CRADD: variants seen among roughly 807,000 people sequenced by gnomAD.
CRADD encodes death domain-containing protein CRADD.
CRADD carries 9 observed loss-of-function variants against 15.5 expected under a neutral mutation model. That is an observed-to-expected ratio of 0.58 (90% CI 0.35 to 1.01). The LOEUF (loss-of-function observed/expected upper bound fraction) is 1.01, where lower values mean the gene tolerates loss of function less well. Among genes scored for constraint, CRADD ranks in the 50% least tolerant of loss-of-function variants. CRADD has a pLI of 0.02. For missense variants in CRADD, 227 were observed against 250.3 expected (o/e 0.91, Z 0.63); for synonymous variants, 118 against 107.6 (o/e 1.10, Z -0.60).
intron 2 of CRADD, among the ~76,000 whole-genome samples, chr12:93,814,878 A>ATTCC (rs1330293305): frequency 2.6e-5 from 4 of 152,228 alleles, no homozygotes; most frequent in African/African-American, 9.6e-5. Context: ...AAAAATTACC[A>ATTCC]TTCCTAGATC....
chr12:93,815,409 A>G (rs1957685100), intron 2 of CRADD: 5 of 152,354 alleles, frequency 3.3e-5, no homozygotes, highest in African/African-American at 9.6e-5. Flanking sequence ...TACAGGTACA[A>G]GAATCTGAGC....
chr12:93,793,323 A>G (rs548286518), intron 2 of CRADD, among the ~76,000 whole-genome samples: 3 of 152,166 alleles, frequency 2.0e-5, no homozygotes, highest in Non-Finnish European at 4.4e-5. Context: ...CTTAAGCTAT[A>G]TTATGCACAA....
At chr12:93,742,607 C>T (rs950654870) in intron 2 of CRADD, among the ~76,000 whole-genome samples, 5 of 152,214 alleles carry the variant, frequency 3.3e-5, no homozygotes, top group African/African-American at 1.2e-4. Context: ...ACCAGGGAAA[C>T]TCAGCTCCAT....
chr12:93,722,734 C>T lies in CRADD; in HGVS notation c.298+43662C>T, dbSNP rs559613788. ...TTGCCTATGTGTCCTTGCATGCTGACTATCTATTAGAGCCCTTAACAAATT... is the reference window on the plus strand; with the variant it reads ...TTGCCTATGTGTCCTTGCATGCTGATTATCTATTAGAGCCCTTAACAAATT... On this transcript the variant is annotated intron_variant, in intron 2 of 2. Transcript: ENST00000332896. Among the ~76,000 whole-genome samples, 11 of 152,232 alleles carry T rather than the reference C, an allele frequency of 7.2e-5. No individual in the cohort carries two copies. In the South Asian group the frequency reaches 1.0e-3, roughly 14 times the overall value.
chr12:93,869,377 G>A (rs1047154322), intron 2 of CRADD, among the ~76,000 whole-genome samples: 1 of 152,042 alleles, frequency 6.6e-6, no homozygotes, highest in Non-Finnish European at 1.5e-5. Flanking sequence ...TACCAGACAT[G>A]CAAAGAAGCA....
At chr12:93,704,866 C>T (rs78594383) in intron 2 of CRADD, among the ~76,000 whole-genome samples, 2,158 of 152,260 alleles carry the variant, frequency 0.014, 36 homozygotes, top group East Asian at 0.086. Context: ...GGCCTTTGTT[C>T]CAGCCTAGCC....
chr12:93,760,656 C>T (rs571928257), intron 2 of CRADD, among the ~76,000 whole-genome samples: 4 of 152,116 alleles, frequency 2.6e-5, no homozygotes, highest in African/African-American at 7.2e-5. Flanking sequence ...CATTTAAGGG[C>T]GCTTGTCTTC....
chr12:93,714,187 A>T (rs1956123327), intron 2 of CRADD, among the ~76,000 whole-genome samples: 1 of 152,250 alleles, frequency 6.6e-6, no homozygotes, highest in African/African-American at 2.4e-5. Flanking sequence ...ACTATACATA[A>T]TTCAAGAAGA....
intron 2 of CRADD, among the ~76,000 whole-genome samples, chr12:93,797,331 A>T: frequency 6.6e-6 from 1 of 152,146 alleles, no homozygotes; most frequent in South Asian, 2.1e-4. Flanking sequence ...TGGTCTCCAG[A>T]CTTTTCTGTG....
intron 2 of CRADD, among the ~76,000 whole-genome samples, chr12:93,698,298 A>T (rs903790422): frequency 3.3e-5 from 5 of 152,178 alleles, no homozygotes; most frequent in African/African-American, 4.8e-5. Context: ...TGCTGCTGAA[A>T]TCTGGAATTT....
chr12:93,709,630 A>G (rs1162764315), intron 2 of CRADD, among the ~76,000 whole-genome samples: 3 of 152,228 alleles, frequency 2.0e-5, no homozygotes, highest in East Asian at 3.8e-4. Flanking sequence ...TCCATGGTGC[A>G]TATGTACCAC....
chr12:93,803,657 A>ACTTCAGCCTCCTTCTCCCAGGTTC (rs1957501071), intron 2 of CRADD, among the ~76,000 whole-genome samples: 8 of 151,754 alleles, frequency 5.3e-5, no homozygotes, highest in East Asian at 3.9e-4. Context: ...CTTCCAGCTG[A>ACTTCAGCCTCCTTCTCCCAGGTTC]AATGGAAAAG....
rs199602506 is a variant in CRADD, at chr12:93,678,865, T to C, written c.91T>C (p.Tyr31His). The change falls in exon 2 of 3, where the codon TAC becomes CAC. Residue 31 changes from tyrosine (Y) to histidine (H), a missense_variant. Transcript: ENST00000332896. ...LVEGLVLQYLYQEGILTENHI... is the reference protein window; with the variant it reads ...LVEGLVLQYLHQEGILTENHI... ...GGAGGGACTGGTTCTTCAGTACCTC[T>C]ACCAGGAAGGAATCTTGACGGAAAA... is the stretch of plus-strand genomic sequence containing the variant. 2 of 1,614,206 alleles carry C rather than the reference T, an allele frequency of 1.2e-6. No homozygotes were observed. Among genetic ancestry groups the C allele is most frequent in the Admixed American group, 3.3e-5 (2 of 60,030 alleles).
chr12:93,799,690 T>G (rs568268937), intron 2 of CRADD, among the ~76,000 whole-genome samples: 1 of 152,366 alleles, frequency 6.6e-6, no homozygotes, highest in East Asian at 1.9e-4. Context: ...GACTGTTTTA[T>G]TCTGAATTGC....
intron 2 of CRADD, among the ~76,000 whole-genome samples, chr12:93,880,322 T>G (rs1041286951): frequency 1.3e-5 from 2 of 152,116 alleles, no homozygotes; most frequent in Non-Finnish European, 2.9e-5. Flanking sequence ...GGAGTTCAGA[T>G]GTTCTTTATG....
chr12:93,756,805 G>A (rs954155860), intron 2 of CRADD, among the ~76,000 whole-genome samples: 11 of 152,158 alleles, frequency 7.2e-5, no homozygotes, highest in African/African-American at 2.7e-4. Context: ...CAGGTATCAG[G>A]GAACTTCCAG....
intron 2 of CRADD, among the ~76,000 whole-genome samples, chr12:93,705,760 T>C (rs1445324038): frequency 1.3e-5 from 2 of 152,256 alleles, no homozygotes; most frequent in African/African-American, 4.8e-5. Context: ...TATCCTCAGC[T>C]TCATTTCTTA....
At chr12:93,851,151 T>A (rs1411609023), downstream of CRADD, among the ~76,000 whole-genome samples, 4 of 152,166 alleles carry the variant, frequency 2.6e-5, no homozygotes, top group Non-Finnish European at 5.9e-5. Context: ...CAATAGCACA[T>A]GGTGTTTATA....
At chr12:93,692,133 C>T (rs1955588506) in intron 2 of CRADD, among the ~76,000 whole-genome samples, 1 of 151,680 alleles carries the variant, frequency 6.6e-6, no homozygotes, top group Non-Finnish European at 1.5e-5. Context: ...ATTAATCAAG[C>T]AGAAGAAAGA....
Sources: gnomAD v4.1 joint callset for allele counts (sites outside exome capture counted in the v4.1 genomes callset) on GRCh38, gnomAD v4.1.1 for gene constraint, MANE v1.5 for transcripts, NCBI Gene and HGNC (gene_info 2026-07-23, HGNC 2026-07-21) for gene names.